Variants in PTPRT observed in about 807,000 individuals in gnomAD.
PTPRT encodes the protein receptor-type tyrosine-protein phosphatase T.
A neutral mutation model predicts 176.8 loss-of-function variants in PTPRT; 56 were observed. The observed-to-expected ratio is 0.32, with a 90% CI of 0.26 to 0.40. The LOEUF is 0.40. PTPRT is among the 10% of genes least tolerant of loss of function. The pLI is 1.00. For synonymous variants in PTPRT, 783 were observed against 739.0 expected (o/e 1.06, Z -0.96); for missense variants, 1,540 against 1,908.2 (o/e 0.81, Z 3.60).
intron 1 of PTPRT, among the ~76,000 whole-genome samples, chr20:43,053,714 C>T (rs1241187275): frequency 1.3e-5 from 2 of 152,092 alleles, no homozygotes; most frequent in Non-Finnish European, 2.9e-5. Context: ...ACCACCCTGG[C>T]GATTGCTCTC....
At chr20:42,342,974 G>T (rs1355516065) in intron 11 of PTPRT, among the ~76,000 whole-genome samples, 1 of 152,210 alleles carries the variant, frequency 6.6e-6, no homozygotes, top group Non-Finnish European at 1.5e-5. Flanking sequence ...GAGGTGAAGA[G>T]AACTTGCAAT....
intron 6 of PTPRT, among the ~76,000 whole-genome samples, chr20:42,704,352 C>T (rs1348453878): frequency 6.6e-6 from 1 of 151,734 alleles, no homozygotes. Flanking sequence ...CATTCTCCCT[C>T]ACTACAATAA....
chr20:43,068,231 G>T (rs530009124), intron 1 of PTPRT, among the ~76,000 whole-genome samples: 2 of 148,794 alleles, frequency 1.3e-5, no homozygotes, highest in Non-Finnish European at 3.0e-5. Flanking sequence ...GGGGCCAGGC[G>T]CAGTGGCTCA....
chr20:42,951,826 G>A (rs772481408), intron 1 of PTPRT, among the ~76,000 whole-genome samples: 6 of 152,052 alleles, frequency 3.9e-5, no homozygotes, highest in Non-Finnish European at 5.9e-5. Flanking sequence ...CCACTTACAC[G>A]CTGTGTAAGC....
chr20:43,016,186 T>G (rs1267367031), intron 1 of PTPRT, among the ~76,000 whole-genome samples: 1 of 152,186 alleles, frequency 6.6e-6, no homozygotes, highest in Non-Finnish European at 1.5e-5. Flanking sequence ...AGGTCCCCAC[T>G]GGGACAGCTG....
At chr20:42,546,360 C>T (rs2145597468) in intron 7 of PTPRT, among the ~76,000 whole-genome samples, 1 of 152,196 alleles carries the variant, frequency 6.6e-6, no homozygotes, top group Admixed American at 6.5e-5. Context: ...ACAGTTTGAA[C>T]ACTCAGCAGT....
rs531778910 is a variant in PTPRT at position 42,761,327 on chromosome 20, G to A, written c.685-4691C>T. Among the ~76,000 whole-genome samples, 40 of 152,130 alleles carry A rather than the reference G, an allele frequency of 2.6e-4. No individual in the cohort carries two copies. In the East Asian group the frequency reaches 6.0e-3, roughly 23 times the overall value. On this transcript the variant is annotated intron_variant, in intron 5 of 30. Coordinates refer to ENST00000373187, the MANE Select transcript of PTPRT (RefSeq NM_007050.6). Reference sequence around the variant, plus strand: ...CGCATGCCTGTAATCCCAGCTGCTCGGGAGGCCGAGGAAGGAGAATCGCTT... The same window carrying A: ...CGCATGCCTGTAATCCCAGCTGCTCAGGAGGCCGAGGAAGGAGAATCGCTT...
intron 26 of PTPRT, among the ~76,000 whole-genome samples, chr20:42,101,729 C>T (rs1205752258): frequency 6.6e-6 from 1 of 152,226 alleles, no homozygotes; most frequent in Non-Finnish European, 1.5e-5. Flanking sequence ...GAGGGCAGAA[C>T]CTGTGTCTGC....
intron 9 of PTPRT, among the ~76,000 whole-genome samples, chr20:42,358,222 T>C (rs1246152294): frequency 1.3e-5 from 2 of 152,148 alleles, no homozygotes; most frequent in Non-Finnish European, 2.9e-5. Context: ...CTCTCTTTTT[T>C]TTTTTTTACA....
intron 7 of PTPRT, among the ~76,000 whole-genome samples, chr20:42,629,948 T>C (rs1447279398): frequency 6.6e-6 from 1 of 152,130 alleles, no homozygotes; most frequent in Non-Finnish European, 1.5e-5. Flanking sequence ...TACTGCCGGG[T>C]GTCCCCATAG....
At chr20:42,544,855 T>A (rs1300736411) in intron 7 of PTPRT, among the ~76,000 whole-genome samples, 3 of 152,240 alleles carry the variant, frequency 2.0e-5, no homozygotes, top group African/African-American at 4.8e-5. Flanking sequence ...GGTCTCATTA[T>A]GTTGCCCAGG....
At chr20:43,171,607 T>C (rs767401612) in intron 1 of PTPRT, among the ~76,000 whole-genome samples, 2 of 152,194 alleles carry the variant, frequency 1.3e-5, no homozygotes, top group South Asian at 2.1e-4. Flanking sequence ...CCAGGATTAA[T>C]GGTGTGTCTT....
At chr20:42,155,416 C>T (rs1989309545) in intron 17 of PTPRT, among the ~76,000 whole-genome samples, 1 of 152,144 alleles carries the variant, frequency 6.6e-6, no homozygotes, top group Admixed American at 6.5e-5. Context: ...ATGCGACCAT[C>T]AGTGGGAGGG....
At chr20:42,741,915 A>C (rs1424741000) in intron 6 of PTPRT, among the ~76,000 whole-genome samples, 1 of 152,226 alleles carries the variant, frequency 6.6e-6, no homozygotes, top group Non-Finnish European at 1.5e-5. Flanking sequence ...CAAGAAATAA[A>C]GGCAACAGAG....
chr20:43,169,148 T>C (rs1209205524), intron 1 of PTPRT, among the ~76,000 whole-genome samples: 1 of 152,158 alleles, frequency 6.6e-6, no homozygotes, highest in Non-Finnish European at 1.5e-5. Flanking sequence ...CAGCTTCCTA[T>C]CTGCAAAAGC....
intron 1 of PTPRT, among the ~76,000 whole-genome samples, chr20:43,065,956 G>A (rs1199000771): frequency 6.6e-6 from 1 of 152,106 alleles, no homozygotes; most frequent in Non-Finnish European, 1.5e-5. Flanking sequence ...TGGAACTCCT[G>A]TCCCTGACTC....
At chr20:42,327,157 C>T (rs376478384) in intron 11 of PTPRT, among the ~76,000 whole-genome samples, 12 of 151,260 alleles carry the variant, frequency 7.9e-5, no homozygotes, top group African/African-American at 2.7e-4. Flanking sequence ...TAAAATTACA[C>T]GCAACATAAA....
intron 7 of PTPRT, among the ~76,000 whole-genome samples, chr20:42,652,096 G>T (rs2075043278): frequency 6.6e-6 from 1 of 151,104 alleles, no homozygotes; most frequent in Non-Finnish European, 1.5e-5. Context: ...AAAAAAGGAA[G>T]ATGGATGATA....
intron 24 of PTPRT, among the ~76,000 whole-genome samples, chr20:42,105,430 C>T (rs1204702706): frequency 8.5e-5 from 13 of 152,162 alleles, no homozygotes; most frequent in Non-Finnish European, 1.5e-5. Context: ...GTACTCTCCT[C>T]CTGAAACTCC....
Sources: allele counts gnomAD v4.1 joint callset (sites outside exome capture counted in the v4.1 genomes callset), GRCh38; gene constraint gnomAD v4.1.1; transcripts MANE v1.5; gene names NCBI Gene and HGNC (gene_info 2026-07-23, HGNC 2026-07-21).